TAF12: variants seen among roughly 807,000 people sequenced by gnomAD.
The protein encoded by TAF12 is transcription initiation factor TFIID subunit 12.
In TAF12, 3 loss-of-function variants were observed where a neutral mutation model predicts 20.8. The ratio of observed to expected loss-of-function variants is 0.14; its 90% CI spans 0.07 to 0.37. The LOEUF is 0.37. Among genes scored for constraint, TAF12 ranks in the 10% least tolerant of loss-of-function variants. The pLI is 1.00. For synonymous variants in TAF12, 69 were observed against 70.2 expected, an observed-to-expected ratio of 0.98 and a Z score of 0.09; for missense variants, 131 against 197.9, an observed-to-expected ratio of 0.66 and a Z score of 2.03.
At chr1:28,631,438 T>C (rs1667615765) in intron 1 of TAF12, among the ~76,000 whole-genome samples, 1 of 151,102 alleles carries the variant, frequency 6.6e-6, no homozygotes, top group Non-Finnish European at 1.5e-5. Flanking sequence ...GGCAGGAGAA[T>C]CACCGAAACC....
chr1:28,616,514 C>T (rs1041463271), intron 3 of TAF12, among the ~76,000 whole-genome samples: 6 of 151,900 alleles, frequency 3.9e-5, no homozygotes, highest in African/African-American at 1.5e-4. Flanking sequence ...GGGTGAATCA[C>T]CTGAGGTCAG....
upstream of TAF12, among the ~76,000 whole-genome samples, chr1:28,644,889 C>T (rs191831419): frequency 2.0e-5 from 3 of 152,240 alleles, no homozygotes; most frequent in East Asian, 1.9e-4. Context: ...GTTGGAAGAA[C>T]GGTGAAATTA....
At position 28,631,026 on chromosome 1, in the gene TAF12, T is replaced by C. The variant is rs149203481; in HGVS notation, c.-84-8861A>G. On this transcript the variant is annotated intron_variant, in intron 1 of 5. Transcript: ENST00000373824. ...TGCCACTGCACTCCATCCTGGGTGA[T>C]AGAGTGAGACTCCGTCTCCAAAAAA... Among the ~76,000 whole-genome samples the C allele has an allele frequency of 4.6e-3, 547 of 120,216 alleles. 1 individual carries two copies. The highest frequency in any genetic ancestry group is 6.1e-3 in the Non-Finnish European group (377 of 61,926). 78.9% of individuals were successfully genotyped at this position (120,216 alleles called of 152,430 possible). A position where few individuals can be genotyped will look rare whatever the true frequency, so the allele number is the denominator to read the frequency against.
rs540609311 is a variant in TAF12 at position 28,605,120 on chromosome 1, C to CT, written c.450+251dup. On this transcript the variant is annotated intron_variant, in intron 5 of 5. Transcript: ENST00000373824. ...TATTAGAAGAACCCAGAATCAACAG[C>CT]TTTAAGTGACACTCAACAGAGTTAC... Among the ~76,000 whole-genome samples, 41 of 152,268 alleles carry CT rather than the reference C, an allele frequency of 2.7e-4. No homozygotes were observed. In the South Asian group the frequency reaches 8.5e-3, roughly 32 times the overall value.
At chr1:28,610,971 AAAAAAAAAAAAAC>A (rs369755362) in intron 4 of TAF12, among the ~76,000 whole-genome samples, 30,573 of 146,464 alleles carry the variant, frequency 0.21, 3,711 homozygotes, top group Middle Eastern at 0.3. Context: ...AAAAAAAAAA[AAAAAAAAAAAAAC>A]ACAGGTGGAG....
chr1:28,626,727 G>C (rs1208689606), intron 1 of TAF12, among the ~76,000 whole-genome samples: 1 of 151,946 alleles, frequency 6.6e-6, no homozygotes, highest in African/African-American at 2.4e-5. Flanking sequence ...TGGCCACCAT[G>C]GTGAAACCCC....
chr1:28,643,094 C>T, upstream of TAF12: 4 of 985,926 alleles, frequency 4.1e-6, no homozygotes, highest in Non-Finnish European at 4.8e-6. Context: ...CTACTTCCGG[C>T]ACCGCTCCCC....
chr1:28,642,662 G>C lies in TAF12; in HGVS notation c.-85+330C>G, dbSNP rs930781580. ...TCACCGCTCCACTTTTACCTCTCCG[G>C]AGCCTGTGTCTTCACGCCCCGTTCC... On this transcript the variant is annotated intron_variant, in intron 1 of 5. Coordinates refer to ENST00000373824, the MANE Select transcript of TAF12 (RefSeq NM_005644.4). The C allele has an allele frequency of 7.1e-6, 7 of 985,176 alleles. No individual in the cohort carries two copies. The African/African-American group carries it at 1.1e-4, about 15-fold the overall frequency. The allele number at this position is 985,176 out of a possible 1,614,324, so 61.0% of individuals were successfully genotyped here. A position where few individuals can be genotyped will look rare whatever the true frequency, so the allele number is the denominator to read the frequency against.
chr1:28,620,344 G>A (rs1225832672), intron 2 of TAF12, among the ~76,000 whole-genome samples: 1 of 151,984 alleles, frequency 6.6e-6, no homozygotes, highest in Non-Finnish European at 1.5e-5. Flanking sequence ...ATATTGGCCA[G>A]GCTGGTCTCG....
chr1:28,643,920 A>T (rs1350018207), upstream of TAF12, among the ~76,000 whole-genome samples: 1 of 152,000 alleles, frequency 6.6e-6, no homozygotes, highest in Non-Finnish European at 1.5e-5. Flanking sequence ...GCGTGGTGGC[A>T]TGCGCCTGTA....
upstream of TAF12, among the ~76,000 whole-genome samples, chr1:28,643,820 G>A (rs972226964): frequency 5.3e-5 from 8 of 152,126 alleles, no homozygotes; most frequent in Non-Finnish European, 1.2e-4. Flanking sequence ...GGGAGGCCGA[G>A]GAGGGTGGAT....
intron 2 of TAF12, 125 bp downstream of exon 2, chr1:28,621,789 G>C: frequency 1.4e-6 from 2 of 1,410,892 alleles, no homozygotes; most frequent in Non-Finnish European, 1.9e-6. Flanking sequence ...AAATCCAAAA[G>C]AGGGAAAAGA....
intron 1 of TAF12, among the ~76,000 whole-genome samples, chr1:28,632,368 G>A (rs1335426274): frequency 1.3e-5 from 2 of 152,040 alleles, no homozygotes; most frequent in Non-Finnish European, 2.9e-5. Context: ...CCTGGGAGGC[G>A]GAGGTTGCAG....
intron 1 of TAF12, among the ~76,000 whole-genome samples, chr1:28,636,142 T>C (rs1249177211): frequency 2.6e-5 from 4 of 152,178 alleles, no homozygotes; most frequent in African/African-American, 4.8e-5. Context: ...AAATGCAAGA[T>C]TTTTTTCCAG....
intron 4 of TAF12, among the ~76,000 whole-genome samples, chr1:28,606,461 GA>G (rs1666670762): frequency 1.3e-5 from 2 of 151,174 alleles, no homozygotes; most frequent in East Asian, 3.9e-4. Context: ...TTTTTGTAGA[GA>G]GGGGGTCTTG....
At position 28,606,852 on chromosome 1, in the gene TAF12, T is replaced by C. The variant is rs1389961033; in HGVS notation, c.362-1392A>G. ...TGGCTCCCAGTTTCTTCATTTTTTA[T>C]GTAGCTGTAACAACAGTAATAACCA... On this transcript the variant is annotated intron_variant, in intron 4 of 5. Transcript: ENST00000373824. 2.0e-5 allele frequency among the ~76,000 whole-genome samples: 3 copies of C among 152,206 alleles called. No homozygotes were observed. In the East Asian group the frequency reaches 5.8e-4, roughly 29 times the overall value.
chr1:28,637,106 G>GA (rs1031296745), intron 1 of TAF12, among the ~76,000 whole-genome samples: 3 of 152,104 alleles, frequency 2.0e-5, no homozygotes, highest in African/African-American at 4.8e-5. Flanking sequence ...TGGTGGATTG[G>GA]AAAAAAATGG....
chr1:28,606,574 C>G (rs1666675386), intron 4 of TAF12, among the ~76,000 whole-genome samples: 1 of 152,108 alleles, frequency 6.6e-6, no homozygotes, highest in East Asian at 1.9e-4. Context: ...TCCAAGGTTT[C>G]TAAAGGACAA....
At position 28,606,741 on chromosome 1, in the gene TAF12, C is replaced by T. The variant is rs1230540234; in HGVS notation, c.362-1281G>A. 2.0e-5 allele frequency among the ~76,000 whole-genome samples: 3 copies of T among 152,164 alleles called. No individual in the cohort carries two copies. In the East Asian group the frequency reaches 5.8e-4, roughly 29 times the overall value. Reference sequence around the variant, plus strand: ...AAGGCTCAAAGTAACCCCTCTCACACCTAAGGGACATGAAGGCACTTCAAG... The same window carrying T: ...AAGGCTCAAAGTAACCCCTCTCACATCTAAGGGACATGAAGGCACTTCAAG... On this transcript the variant is annotated intron_variant, in intron 4 of 5. Coordinates refer to ENST00000373824, the MANE Select transcript of TAF12 (RefSeq NM_005644.4).
Sources: allele counts gnomAD v4.1 joint callset (sites outside exome capture counted in the v4.1 genomes callset), GRCh38; gene constraint gnomAD v4.1.1; transcripts MANE v1.5; gene names NCBI Gene and HGNC (gene_info 2026-07-23, HGNC 2026-07-21).